The following SHE variants were observed in gnomAD, a reference collection of about 807,000 sequenced individuals.
SHE encodes the protein Src homology 2 domain containing E.
SHE carries 11 observed loss-of-function variants against 49.8 expected under a neutral mutation model. That is an observed-to-expected ratio of 0.22 (90% CI 0.14 to 0.37). SHE has a LOEUF of 0.37. Among genes scored for constraint, SHE ranks in the 10% least tolerant of loss-of-function variants. The probability of loss-of-function intolerance (pLI) is 1.00; values close to 1 mark genes in which losing one functional copy is unlikely to be tolerated. For missense variants in SHE, 624 were observed against 655.5 expected (o/e 0.95, Z 0.52); for synonymous variants, 310 against 278.1 (o/e 1.11, Z -1.14).
At position 154,499,200 on chromosome 1, in the gene SHE, G is replaced by A. The variant is rs763138363; in HGVS notation, c.630C>T (p.Ala210=). Residue 210 remains alanine, a synonymous_variant, in exon 2 of 6, where the codon GCC becomes GCT. Coordinates refer to ENST00000304760, the MANE Select transcript of SHE (RefSeq NM_001010846.3). Reference sequence around the variant, plus strand: ...CATCCCTTTGACCCTTTGTCCGTTTGGCATCATAAGGGTCAGCATAGTCTT... The same window carrying A: ...CATCCCTTTGACCCTTTGTCCGTTTAGCATCATAAGGGTCAGCATAGTCTT... ...ILEDYADPYD[A]KRTKGQRDAE... 1 of 1,614,034 alleles carries A rather than the reference G, an allele frequency of 6.2e-7. No individual in the cohort carries two copies.
At chr1:154,488,514 T>A (rs1692255669) in intron 3 of SHE, among the ~76,000 whole-genome samples, 1 of 151,212 alleles carries the variant, frequency 6.6e-6, no homozygotes, top group African/African-American at 2.4e-5. Flanking sequence ...CTGCCTCAGC[T>A]CCCAAAGTGC....
At position 154,501,768 on chromosome 1, in the gene SHE, C is replaced by T. The variant is rs755090853; in HGVS notation, c.259G>A (p.Ala87Thr). 2 of 1,565,774 alleles carry T rather than the reference C, an allele frequency of 1.3e-6. No individual in the cohort carries two copies. Among genetic ancestry groups the T allele is most frequent in the East Asian group, 2.4e-5 (1 of 42,294 alleles). ...GPGKGRKNSA[A>T]ELGSGRAGVG... ...CCGGCCCTGCCGCTCCCCAGCTCGG[C>T]CGCCGAGTTCTTGCGGCCCTTGCCA... is the stretch of plus-strand genomic sequence containing the variant. The change falls in exon 1 of 6, where the codon GCC becomes ACC. Residue 87 changes from alanine (A) to threonine (T), a missense_variant. This residue lies in a region of SHE where 337 missense variants were observed against 306.0 expected (regional missense o/e 1.10). Coordinates refer to ENST00000304760, the MANE Select transcript of SHE (RefSeq NM_001010846.3).
chr1:154,493,439 A>G (rs887615758), intron 2 of SHE, among the ~76,000 whole-genome samples: 6 of 152,202 alleles, frequency 3.9e-5, no homozygotes, highest in Admixed American at 3.9e-4. Flanking sequence ...GAGCCTGAGA[A>G]GGAGGAAATG....
In SHE at chr1:154,480,764, T is replaced by G. The variant is rs1253879332; in HGVS notation, c.*3385A>C. On this transcript the variant is annotated 3_prime_UTR_variant, in exon 6 of 6. Coordinates refer to ENST00000304760, the MANE Select transcript of SHE (RefSeq NM_001010846.3). ...ATATTAACACTTCTCCATTATTTTA[T>G]TCCTAGCTTAAATACACACAAGGCC... The G allele has an allele frequency of 1.0e-6, 1 of 985,332 alleles. No individual in the cohort carries two copies. The highest frequency in any genetic ancestry group is 1.1e-4 in the East Asian group (1 of 8,828). The allele number at this position is 985,332 out of a possible 1,614,324, so 61.0% of individuals were successfully genotyped here. A position where few individuals can be genotyped will look rare whatever the true frequency, so the allele number is the denominator to read the frequency against.
chr1:154,472,690 A>C (rs1691773281), intron 1 of SHE, among the ~76,000 whole-genome samples: 1 of 152,196 alleles, frequency 6.6e-6, no homozygotes, highest in Non-Finnish European at 1.5e-5. Flanking sequence ...CCAGCTTTGA[A>C]GATCTCTGTG....
chr1:154,500,626 TAAA>T (rs1490913654), intron 1 of SHE, among the ~76,000 whole-genome samples: 5 of 152,084 alleles, frequency 3.3e-5, no homozygotes, highest in African/African-American at 1.2e-4. Context: ...GGAGAGAAGA[TAAA>T]AACAACCAGA....
At chr1:154,488,997 C>T (rs1488742312) in intron 3 of SHE, 54 bp downstream of exon 3, 22 of 1,504,480 alleles carry the variant, frequency 1.5e-5, no homozygotes, top group East Asian at 4.6e-5. Flanking sequence ...GGGGCTGATG[C>T]GGTGGCCAGA....
chr1:154,481,410 G>T lies in SHE; in HGVS notation c.*2739C>A. On this transcript the variant is annotated 3_prime_UTR_variant, in exon 6 of 6. Coordinates refer to ENST00000304760, the MANE Select transcript of SHE (RefSeq NM_001010846.3). ...TCTCCTCTACTTTTAATTCTATAAA[G>T]AATATAGTATGACTTGTCACAGAGA... 5.1e-6 allele frequency: 5 copies of T among 985,346 alleles called. No homozygotes were observed. The highest frequency in any genetic ancestry group is 6.0e-6 in the Non-Finnish European group (5 of 829,920). 61.0% of individuals were successfully genotyped at this position (985,346 alleles called of 1,614,324 possible). A position where few individuals can be genotyped will look rare whatever the true frequency, so the allele number is the denominator to read the frequency against.
At position 154,481,860 on chromosome 1, in the gene SHE, T is replaced by G. The variant is rs1208006822; in HGVS notation, c.*2289A>C. On this transcript the variant is annotated 3_prime_UTR_variant, in exon 6 of 6. Coordinates refer to ENST00000304760, the MANE Select transcript of SHE (RefSeq NM_001010846.3). ...CATTCCTTTTGGTTTTTTGTTTGCT[T>G]GCTTGTTGAGACAGGGTCTCACTCT... The G allele has an allele frequency of 3.2e-6, 3 of 934,208 alleles. No homozygotes were observed. Among genetic ancestry groups the G allele is most frequent in the Non-Finnish European group, 3.8e-6 (3 of 783,450 alleles). The allele number at this position is 934,208 out of a possible 1,614,324, so 57.9% of individuals were successfully genotyped here.
chr1:154,501,347 C>T, intron 1 of SHE, 89 bp downstream of exon 1: 2 of 1,227,888 alleles, frequency 1.6e-6, no homozygotes, highest in Non-Finnish European at 2.3e-6. Flanking sequence ...ATCCTCACTG[C>T]CTCTTAGGTC....
At chr1:154,478,895 T>G (rs1273341368), downstream of SHE, among the ~76,000 whole-genome samples, 2 of 152,206 alleles carry the variant, frequency 1.3e-5, no homozygotes, top group African/African-American at 4.8e-5. Context: ...TAATGGAAGT[T>G]AAAAACTTGA....
chr1:154,477,767 T>G (rs926517131), downstream of SHE, among the ~76,000 whole-genome samples: 5 of 151,858 alleles, frequency 3.3e-5, no homozygotes, highest in African/African-American at 4.8e-5. Context: ...GGCGCATGCC[T>G]GTAGTCCCAG....
chr1:154,489,038 C>T lies in SHE; in HGVS notation c.1024+13G>A. 1.3e-6 allele frequency: 2 copies of T among 1,544,262 alleles called. No individual in the cohort carries two copies. The highest frequency in any genetic ancestry group is 1.4e-5 in the African/African-American group (1 of 73,026). ...GAAGTCACACTGGGGCGGGCCTGGC[C>T]TGGCGCCCTCACCTGACAGAGCCCG... On this transcript the variant is annotated intron_variant, in intron 3 of 5. Transcript: ENST00000304760.
chr1:154,474,607 C>T (rs1179412247), downstream of SHE, among the ~76,000 whole-genome samples: 1 of 152,074 alleles, frequency 6.6e-6, no homozygotes, highest in Non-Finnish European at 1.5e-5. Flanking sequence ...CAGGTTCAAG[C>T]GATTCTCCTG....
chr1:154,487,366 T>C (rs1440932925), intron 3 of SHE, among the ~76,000 whole-genome samples: 2 of 151,686 alleles, frequency 1.3e-5, no homozygotes, highest in African/African-American at 2.4e-5. Context: ...CAAGAATGTG[T>C]ATCATCCTAT....
chr1:154,485,250 G>A (rs998877853), intron 5 of SHE: 1 of 152,088 alleles, frequency 6.6e-6, no homozygotes, highest in African/African-American at 2.4e-5. Flanking sequence ...CCCATTTTCT[G>A]AGCCATATTG....
At chr1:154,498,965 G>T in intron 2 of SHE, 147 bp downstream of exon 2, 2 of 992,486 alleles carry the variant, frequency 2.0e-6, no homozygotes, top group Non-Finnish European at 1.4e-6. Context: ...TCCGACATTA[G>T]TTTGGGGTCT....
rs1178481795 is a variant in SHE at position 154,485,950 on chromosome 1, C to A, written c.1294G>T (p.Ala432Ser). ...SESGNSRYSI[A>S]LKTSQGCVHI... ...GCCATGGGGCTTACTTACTTTAGGG[C>A]AATGGAGTACCTGCTGTTCCCTGAC... The change falls in exon 5 of 6, where the codon GCC becomes TCC. Residue 432 changes from alanine (A) to serine (S), a missense_variant. Around this residue, in one of 4 missense-constraint regions of SHE, gnomAD observed 125 missense variants for 181.7 expected, o/e 0.69. Transcript: ENST00000304760. The A allele has an allele frequency of 2.5e-6, 4 of 1,613,802 alleles. No individual in the cohort carries two copies. The highest frequency in any genetic ancestry group is 2.7e-5 in the African/African-American group (2 of 74,904).
In SHE at chr1:154,480,010, A is replaced by G; in HGVS notation, c.*4139T>C. 1 of 985,478 alleles carries G rather than the reference A, an allele frequency of 1.0e-6. No homozygotes were observed. The highest frequency in any genetic ancestry group is 1.2e-6 in the Non-Finnish European group (1 of 829,944). The allele number at this position is 985,478 out of a possible 1,614,324, so 61.0% of individuals were successfully genotyped here. On this transcript the variant is annotated 3_prime_UTR_variant, in exon 6 of 6. Coordinates refer to ENST00000304760, the MANE Select transcript of SHE (RefSeq NM_001010846.3). Reference sequence around the variant, plus strand: ...AACTGCAGTTTTCTCTTTTCCCATTAGATGGCAGTAACGCACCATCTCTCT... The same window carrying G: ...AACTGCAGTTTTCTCTTTTCCCATTGGATGGCAGTAACGCACCATCTCTCT...
Sources: gnomAD v4.1 joint callset for allele counts (sites outside exome capture counted in the v4.1 genomes callset) on GRCh38, gnomAD v4.1.1 for gene constraint, gnomAD v4.1.1 regional missense constraint, MANE v1.5 for transcripts, NCBI Gene and HGNC (gene_info 2026-07-23, HGNC 2026-07-21) for gene names.